Variants in NCKAP1L observed in about 807,000 individuals in gnomAD.
NCKAP1L encodes the protein NCK associated protein 1 like, also known as nck-associated protein 1-like.
A neutral mutation model predicts 139.2 loss-of-function variants in NCKAP1L; 53 were observed. That is an observed-to-expected ratio of 0.38 (90% CI 0.31 to 0.48). The LOEUF (loss-of-function observed/expected upper bound fraction) is 0.48, where lower values mean the gene tolerates loss of function less well. Ranked by LOEUF, NCKAP1L falls within the 20% of genes least tolerant of loss-of-function variation. NCKAP1L has a pLI of 0.98. For synonymous variants in NCKAP1L, 468 were observed against 499.7 expected (o/e 0.94, Z 0.85); for missense variants, 1,151 against 1,381.9 (o/e 0.83, Z 2.65).
chr12:54,499,569 T>G (rs1956780346), intron 2 of NCKAP1L, 104 bp downstream of exon 2: 1 of 668,920 alleles, frequency 1.5e-6, no homozygotes, highest in Admixed American at 2.6e-5. Flanking sequence ...GGGGATGGAG[T>G]AGTCTTTTTT....
At chr12:54,518,803 T>G in intron 14 of NCKAP1L, 71 bp downstream of exon 14, 2 of 1,530,828 alleles carry the variant, frequency 1.3e-6, no homozygotes, top group Non-Finnish European at 1.8e-6. Context: ...AATATTGATC[T>G]TTGAGCCAGG....
intron 20 of NCKAP1L, 76 bp downstream of exon 20, chr12:54,524,032 G>T: frequency 6.8e-7 from 1 of 1,468,382 alleles, no homozygotes; most frequent in South Asian, 1.3e-5. Flanking sequence ...GTAGTATGGT[G>T]GTCCTCAAAG....
At position 54,499,416 on chromosome 12, in the gene NCKAP1L, T is replaced by C; in HGVS notation, c.164T>C (p.Leu55Pro). 6.2e-7 allele frequency: 1 copy of C among 1,612,764 alleles called. No individual in the cohort carries two copies. Among genetic ancestry groups the C allele is most frequent in the Non-Finnish European group, 8.5e-7 (1 of 1,178,784 alleles). The change falls in exon 2 of 31, where the codon CTC becomes CCC. Residue 55 changes from leucine (L) to proline (P), a missense_variant. Coordinates refer to ENST00000293373, the MANE Select transcript of NCKAP1L (RefSeq NM_005337.5). ...FLLEKSMEPS[L>P]KYINKKFPNI... The stretch of plus-strand genomic sequence containing the variant: ...CTGGAAAAGTCCATGGAACCATCTC[T>C]CAAGTATATCAACAAGAAATTTCCC...
At chr12:54,541,076 C>T (rs1051579261) in intron 30 of NCKAP1L, among the ~76,000 whole-genome samples, 19 of 152,256 alleles carry the variant, frequency 1.2e-4, no homozygotes, top group African/African-American at 4.6e-4. Flanking sequence ...GCCATGCCTG[C>T]ACCTCAGTGT....
intron 13 of NCKAP1L, 24 bp downstream of exon 13, chr12:54,517,962 T>A: frequency 6.2e-7 from 1 of 1,612,796 alleles, no homozygotes; most frequent in South Asian, 1.1e-5. Context: ...TTGATTATAC[T>A]TTGGAAATTT....
At chr12:54,506,796 A>AAAATATATATATATATATATAT in intron 3 of NCKAP1L, among the ~76,000 whole-genome samples, 29 of 50,600 alleles carry the variant, frequency 5.7e-4, no homozygotes, top group Non-Finnish European at 6.7e-4. Context: ...AAAAAAAAAA[A>AAAATATATATATATATATATAT]ATATATATAT....
rs1013077052 is a variant in NCKAP1L at position 54,544,707 on chromosome 12, A to C, written c.*2022A>C. The C allele has an allele frequency of 6.6e-6, 1 of 152,260 alleles. No individual in the cohort carries two copies. Among genetic ancestry groups the C allele is most frequent in the African/African-American group, 2.4e-5 (1 of 41,454 alleles). The allele number at this position is 152,260 out of a possible 1,614,324, so 9.4% of individuals were successfully genotyped here. A position where few individuals can be genotyped will look rare whatever the true frequency, so the allele number is the denominator to read the frequency against. ...TTGTGTATCTGCCACTGCAGTCAACATACAGAACAGGCCGGGCGCAGTGGC... is the reference window on the plus strand; with the variant it reads ...TTGTGTATCTGCCACTGCAGTCAACCTACAGAACAGGCCGGGCGCAGTGGC... On this transcript the variant is annotated 3_prime_UTR_variant, in exon 31 of 31. Transcript: ENST00000293373.
chr12:54,539,808 G>A (rs923658565), intron 30 of NCKAP1L, among the ~76,000 whole-genome samples: 3 of 152,138 alleles, frequency 2.0e-5, no homozygotes, highest in Non-Finnish European at 4.4e-5. Context: ...AGAGATATCT[G>A]GGGCCCCAGA....
Position 54,520,647 on chromosome 12 carries a change from C to A in NCKAP1L, c.1626-47C>A, listed in dbSNP as rs756241160. On this transcript the variant is annotated intron_variant, in intron 16 of 30. Coordinates refer to ENST00000293373, the MANE Select transcript of NCKAP1L (RefSeq NM_005337.5). Reference sequence around the variant, plus strand: ...CCTTTATTTTTCACTCACCACTTTACTAATAAGGACTAAATCTTGATTTAA... The same window carrying A: ...CCTTTATTTTTCACTCACCACTTTAATAATAAGGACTAAATCTTGATTTAA... The A allele has an allele frequency of 6.2e-6, 10 of 1,606,564 alleles. No homozygotes were observed. In the South Asian group the frequency reaches 9.9e-5, roughly 16 times the overall value.
At chr12:54,509,641 G>T in intron 5 of NCKAP1L, 28 bp from the exon 6 acceptor site, 1 of 1,508,898 alleles carries the variant, frequency 6.6e-7, no homozygotes, top group Non-Finnish European at 9.2e-7. Context: ...AGGGAGGGCT[G>T]TAACCCCTCT....
In NCKAP1L at chr12:54,499,369, C is replaced by T; in HGVS notation, c.117C>T (p.Pro39=). The T allele has an allele frequency of 6.2e-7, 1 of 1,605,336 alleles. No homozygotes were observed. The highest frequency in any genetic ancestry group is 8.5e-7 in the Non-Finnish European group (1 of 1,172,044). The change falls in exon 2 of 31, where the codon CCC becomes CCT. Residue 39 remains proline, a synonymous_variant. Coordinates refer to ENST00000293373, the MANE Select transcript of NCKAP1L (RefSeq NM_005337.5). ...MYNIKKTCSD[P]KSKPPFLLEK... is the part of the protein sequence containing the mutation. ...TCTCTCTGCAGACTTGTTCAGACCC[C>T]AAATCTAAGCCACCTTTCTTACTGG...
intron 7 of NCKAP1L, among the ~76,000 whole-genome samples, chr12:54,511,263 C>T (rs1592340178): frequency 6.6e-6 from 1 of 152,286 alleles, no homozygotes; most frequent in East Asian, 1.9e-4. Flanking sequence ...GTTCTGACTT[C>T]TAGTCCAAGT....
At chr12:54,542,461 G>C in intron 30 of NCKAP1L, 114 bp from the exon 31 acceptor site, 1 of 775,994 alleles carries the variant, frequency 1.3e-6, no homozygotes, top group South Asian at 1.6e-5. Flanking sequence ...TTGGAACCCT[G>C]TTCACTTGTA....
chr12:54,510,052 GTGC>G (rs1430517100), intron 7 of NCKAP1L, 67 bp downstream of exon 7: 3 of 1,577,798 alleles, frequency 1.9e-6, no homozygotes, highest in East Asian at 2.2e-5. Flanking sequence ...TCTGTAGAGG[GTGC>G]TTCTTTCAGG....
chr12:54,501,994 A>G (rs1259269563), intron 3 of NCKAP1L, among the ~76,000 whole-genome samples: 1 of 152,178 alleles, frequency 6.6e-6, no homozygotes, highest in Non-Finnish European at 1.5e-5. Flanking sequence ...GATTAGTGAT[A>G]ATGAGCATTT....
At chr12:54,529,805 A>G (rs1334524664) in intron 22 of NCKAP1L, among the ~76,000 whole-genome samples, 1 of 152,158 alleles carries the variant, frequency 6.6e-6, no homozygotes, top group Non-Finnish European at 1.5e-5. Flanking sequence ...GCTACTGCAA[A>G]AATAGATAGA....
intron 22 of NCKAP1L, among the ~76,000 whole-genome samples, chr12:54,529,478 G>A (rs995019852): frequency 6.6e-6 from 1 of 152,110 alleles, no homozygotes; most frequent in African/African-American, 2.4e-5. Flanking sequence ...TCTGGGACAG[G>A]GTGAAGATGT....
At chr12:54,522,008 T>C (rs533365014) in intron 18 of NCKAP1L, among the ~76,000 whole-genome samples, 2 of 152,274 alleles carry the variant, frequency 1.3e-5, no homozygotes, top group South Asian at 4.1e-4. Context: ...TTTACAGAAG[T>C]GTCTTAAGGA....
Position 54,547,534 on chromosome 12 carries a change from G to GTGTGTGTGTGTGTA in NCKAP1L, c.*4849_*4850insTGTGTGTGTGTGTA. On this transcript the variant is annotated 3_prime_UTR_variant, in exon 31 of 31. Transcript: ENST00000293373. Reference sequence around the variant, plus strand: ...TGTGTGTGTGTGTGTGTGTGTGTGTGAATTAGCCTTAAAATGAATCAGGAG... The same window carrying GTGTGTGTGTGTGTA: ...TGTGTGTGTGTGTGTGTGTGTGTGTGTGTGTGTGTGTGTAAATTAGCCTTAAAATGAATCAGGAG... 1 of 151,792 alleles carries GTGTGTGTGTGTGTA rather than the reference G, an allele frequency of 6.6e-6. No individual in the cohort carries two copies. The highest frequency in any genetic ancestry group is 2.4e-5 in the African/African-American group (1 of 41,014). 9.4% of individuals were successfully genotyped at this position (151,792 alleles called of 1,614,324 possible).
Sources: gnomAD v4.1 joint callset for allele counts (sites outside exome capture counted in the v4.1 genomes callset) on GRCh38, gnomAD v4.1.1 for gene constraint, MANE v1.5 for transcripts, NCBI Gene and HGNC (gene_info 2026-07-23, HGNC 2026-07-21) for gene names.